The following CCDC148 variants were observed in gnomAD, a reference collection of about 807,000 sequenced individuals.
CCDC148 encodes the protein coiled-coil domain containing 148, also known as coiled-coil domain-containing protein 148.
CCDC148 carries 89 observed loss-of-function variants against 85.7 expected under a neutral mutation model. The observed-to-expected ratio is 1.04, with a 90% CI of 0.87 to 1.24. CCDC148 has a LOEUF of 1.24. CCDC148 is among the 50% of genes most tolerant of loss of function. The pLI is 0.00. For missense variants in CCDC148, 692 were observed against 671.7 expected (o/e 1.03, Z -0.33); for synonymous variants, 230 against 213.9 (o/e 1.08, Z -0.66).
chr2:158,312,644 T>C (rs1423196360), intron 8 of CCDC148, among the ~76,000 whole-genome samples: 2 of 140,364 alleles, frequency 1.4e-5, no homozygotes, highest in Admixed American at 1.4e-4. Flanking sequence ...ATGATAATAA[T>C]AGGAAAATAT....
chr2:158,334,226 C>A (rs984153678), intron 7 of CCDC148, among the ~76,000 whole-genome samples: 1 of 152,130 alleles, frequency 6.6e-6, no homozygotes. Flanking sequence ...TAGCTCATTA[C>A]TGGTTCCTGC....
At chr2:158,365,461 A>G (rs10179333) in intron 1 of CCDC148, among the ~76,000 whole-genome samples, 53,955 of 151,930 alleles carry the variant, frequency 0.36, 9,901 homozygotes, top group African/African-American at 0.45. Context: ...ATACACCATG[A>G]AATACTATGC....
chr2:158,176,037 C>G (rs1196091058), intron 13 of CCDC148, among the ~76,000 whole-genome samples: 1 of 152,056 alleles, frequency 6.6e-6, no homozygotes, highest in African/African-American at 2.4e-5. Context: ...GCCCTTAACA[C>G]CTTTTTCCGT....
At chr2:158,264,958 G>A (rs943985599) in intron 9 of CCDC148, among the ~76,000 whole-genome samples, 1 of 152,028 alleles carries the variant, frequency 6.6e-6, no homozygotes, top group Non-Finnish European at 1.5e-5. Flanking sequence ...CTAAATGACA[G>A]CTCCACCAAA....
rs1009496909 is a variant in CCDC148, at chr2:158,329,111, T to A, written c.764+9615A>T. ...GCCCATGCCTATGTCCTGAATGGTA[T>A]TGCCTAGGTTTTCTTCTAGGGTTTT... On this transcript the variant is annotated intron_variant, in intron 7 of 13. Coordinates refer to ENST00000283233, the MANE Select transcript of CCDC148 (RefSeq NM_138803.4). Among the ~76,000 whole-genome samples the A allele has an allele frequency of 1.5e-4, 23 of 152,308 alleles. 2 individuals carry two copies. The highest frequency in any genetic ancestry group is 7.2e-4 in the Admixed American group (11 of 15,292).
At chr2:158,203,177 G>A (rs1256510248) in intron 11 of CCDC148, among the ~76,000 whole-genome samples, 1 of 152,154 alleles carries the variant, frequency 6.6e-6, no homozygotes, top group Admixed American at 6.5e-5. Flanking sequence ...GCTCCCTTCT[G>A]CAAGTGAAGC....
intron 13 of CCDC148, among the ~76,000 whole-genome samples, chr2:158,172,952 A>G (rs1684388238): frequency 1.3e-5 from 2 of 152,076 alleles, no homozygotes; most frequent in Admixed American, 6.6e-5. Flanking sequence ...GGCATTTTAC[A>G]TGGATTTGAA....
chr2:158,391,503 T>C (rs1685306583), intron 1 of CCDC148, among the ~76,000 whole-genome samples: 1 of 152,186 alleles, frequency 6.6e-6, no homozygotes, highest in African/African-American at 2.4e-5. Flanking sequence ...ATTAGAAAAA[T>C]GATCTTTCCT....
intron 9 of CCDC148, among the ~76,000 whole-genome samples, chr2:158,280,074 G>A (rs980252254): frequency 1.1e-4 from 16 of 152,006 alleles, no homozygotes; most frequent in Middle Eastern, 3.4e-3. Flanking sequence ...ACAAGCAAAT[G>A]CTGAGAGATT....
intron 9 of CCDC148, among the ~76,000 whole-genome samples, chr2:158,291,354 A>C (rs1690886547): frequency 6.6e-6 from 1 of 152,172 alleles, no homozygotes; most frequent in Non-Finnish European, 1.5e-5. Context: ...GTTGCACACA[A>C]GGCCCTGCAA....
At chr2:158,359,663 CT>C (rs1683841073) in intron 1 of CCDC148, among the ~76,000 whole-genome samples, 1 of 152,198 alleles carries the variant, frequency 6.6e-6, no homozygotes, top group Non-Finnish European at 1.5e-5. Context: ...AAATACTACA[CT>C]TTTTCCCATG....
chr2:158,440,570 A>C (rs1687890119), intron 1 of CCDC148, among the ~76,000 whole-genome samples: 1 of 152,212 alleles, frequency 6.6e-6, no homozygotes, highest in South Asian at 2.1e-4. Context: ...TCTTATACTT[A>C]TGTACCTATG....
At chr2:158,428,086 T>A (rs990010027) in intron 1 of CCDC148, among the ~76,000 whole-genome samples, 4 of 152,144 alleles carry the variant, frequency 2.6e-5, no homozygotes, top group Non-Finnish European at 5.9e-5. Flanking sequence ...CATGCTCAGA[T>A]CTGATCTTTG....
At chr2:158,439,266 C>T (rs912332855) in intron 1 of CCDC148, among the ~76,000 whole-genome samples, 3 of 152,100 alleles carry the variant, frequency 2.0e-5, no homozygotes, top group African/African-American at 7.2e-5. Context: ...GAAAATGTGG[C>T]ACATATACAC....
intron 1 of CCDC148, among the ~76,000 whole-genome samples, chr2:158,449,650 T>C (rs977217799): frequency 5.9e-5 from 9 of 152,158 alleles, no homozygotes; most frequent in Non-Finnish European, 1.3e-4. Context: ...CATTTTGCCA[T>C]GTTGGCCAGG....
intron 1 of CCDC148, among the ~76,000 whole-genome samples, chr2:158,368,531 T>A (rs10933473): frequency 0.18 from 26,978 of 152,130 alleles, 3,926 homozygotes; most frequent in African/African-American, 0.4. Context: ...TTATAAATTA[T>A]TCCATATTCA....
intron 9 of CCDC148, among the ~76,000 whole-genome samples, chr2:158,286,435 C>T (rs995109473): frequency 6.6e-6 from 1 of 152,130 alleles, no homozygotes; most frequent in Non-Finnish European, 1.5e-5. Flanking sequence ...TCCATTCTTG[C>T]CAAATTTATT....
intron 1 of CCDC148, among the ~76,000 whole-genome samples, chr2:158,430,819 T>C (rs1170366188): frequency 1.3e-5 from 2 of 151,868 alleles, no homozygotes; most frequent in Admixed American, 6.6e-5. Context: ...TGAAAGAACT[T>C]GAAAATAGAT....
chr2:158,282,927 A>C (rs573195522), intron 9 of CCDC148, among the ~76,000 whole-genome samples: 39 of 152,358 alleles, frequency 2.6e-4, no homozygotes, highest in Middle Eastern at 3.4e-3. Context: ...GTACCAAAAC[A>C]GAGATATAGA....
Sources: gnomAD v4.1 joint callset for allele counts (sites outside exome capture counted in the v4.1 genomes callset) on GRCh38, gnomAD v4.1.1 for gene constraint, MANE v1.5 for transcripts, NCBI Gene and HGNC (gene_info 2026-07-23, HGNC 2026-07-21) for gene names.